PDE11A: variants seen among roughly 807,000 people sequenced by gnomAD.
PDE11A encodes the protein phosphodiesterase 11A, also known as dual 3',5'-cyclic-AMP and -GMP phosphodiesterase 11A.
A neutral mutation model predicts 100.5 loss-of-function variants in PDE11A; 100 were observed. That is an observed-to-expected ratio of 1.00 (90% confidence interval 0.85 to 1.18). The LOEUF is 1.18. Ranked by LOEUF, PDE11A falls within the 50% of genes most tolerant of loss-of-function variation. The pLI, the probability that PDE11A is intolerant of heterozygous loss-of-function variation, is 0.00. For missense variants in PDE11A, 1,141 were observed against 1,152.6 expected (o/e 0.99, Z 0.15); for synonymous variants, 381 against 420.8 (o/e 0.91, Z 1.16).
intron 5 of PDE11A, among the ~76,000 whole-genome samples, chr2:177,871,861 TA>T (rs200220853): frequency 0.011 from 1,685 of 152,106 alleles, 31 homozygotes; most frequent in African/African-American, 0.038. Flanking sequence ...ACCCTGTCTC[TA>T]AAAAAAGAAA....
intron 6 of PDE11A, 102 bp from the exon 7 acceptor site, chr2:177,820,397 T>A (rs2083119751): frequency 1.3e-6 from 1 of 748,920 alleles, no homozygotes; most frequent in Non-Finnish European, 2.4e-6. Flanking sequence ...AATAACTTTT[T>A]AAAGCTATTT....
At chr2:178,070,745 T>C (rs1418988106) in intron 1 of PDE11A, among the ~76,000 whole-genome samples, 3 of 152,240 alleles carry the variant, frequency 2.0e-5, no homozygotes. Flanking sequence ...ATGTTTACCC[T>C]GCTGATGGCT....
At chr2:177,795,500 C>T (rs2082693898) in intron 9 of PDE11A, among the ~76,000 whole-genome samples, 1 of 151,914 alleles carries the variant, frequency 6.6e-6, no homozygotes, top group South Asian at 2.1e-4. Flanking sequence ...TGTGATGTCA[C>T]ACACACACAT....
intron 4 of PDE11A, among the ~76,000 whole-genome samples, chr2:177,887,232 T>C (rs1030405264): frequency 1.3e-5 from 2 of 152,024 alleles, no homozygotes; most frequent in Non-Finnish European, 2.9e-5. Context: ...TCAGCTGCAA[T>C]CCCAAATTCA....
At chr2:177,910,291 C>G (rs1156956367) in intron 2 of PDE11A, among the ~76,000 whole-genome samples, 1 of 151,984 alleles carries the variant, frequency 6.6e-6, no homozygotes, top group African/African-American at 2.4e-5. Context: ...GAGAAGCAGG[C>G]AAATACATTT....
chr2:177,935,828 T>C (rs2085265174), intron 2 of PDE11A, among the ~76,000 whole-genome samples: 1 of 152,138 alleles, frequency 6.6e-6, no homozygotes, highest in South Asian at 2.1e-4. Context: ...AAGGGAGTAA[T>C]AGGGATCTTA....
At chr2:177,701,024 T>C in intron 14 of PDE11A, 97 bp downstream of exon 14, 1 of 779,174 alleles carries the variant, frequency 1.3e-6, no homozygotes, top group South Asian at 1.4e-5. Context: ...TTCCCACTGC[T>C]TTGTGTCTAC....
At chr2:177,924,377 G>A (rs2085096831) in intron 2 of PDE11A, among the ~76,000 whole-genome samples, 1 of 152,144 alleles carries the variant, frequency 6.6e-6, no homozygotes, top group Non-Finnish European at 1.5e-5. Flanking sequence ...ATGCCTGTTT[G>A]TATTGGTCTT....
At position 177,626,143 on chromosome 2, in the gene PDE11A, A is replaced by G. The variant is rs939989208; in HGVS notation, c.*3264T>C. On this transcript the variant is annotated 3_prime_UTR_variant, in exon 20 of 20. Coordinates refer to ENST00000286063, the MANE Select transcript of PDE11A (RefSeq NM_016953.4). Reference sequence around the variant, plus strand: ...GCCAATAAAACGGCAAGAAAATGAGAGGAAAACTCAACCTTAGTGGAAGCT... The same window carrying G: ...GCCAATAAAACGGCAAGAAAATGAGGGGAAAACTCAACCTTAGTGGAAGCT... 3.3e-5 allele frequency: 5 copies of G among 152,676 alleles called. No homozygotes were observed. Among genetic ancestry groups the G allele is most frequent in the Admixed American group, 1.3e-4 (2 of 15,284 alleles). The allele number at this position is 152,676 out of a possible 1,614,324, so 9.5% of individuals were successfully genotyped here. A position where few individuals can be genotyped will look rare whatever the true frequency, so the allele number is the denominator to read the frequency against.
chr2:177,930,305 G>A (rs539309478), intron 2 of PDE11A, among the ~76,000 whole-genome samples: 2 of 152,142 alleles, frequency 1.3e-5, no homozygotes, highest in Non-Finnish European at 2.9e-5. Context: ...AAATGAAAAG[G>A]CCTGTAGCCA....
chr2:177,837,316 G>A (rs1341980704), intron 6 of PDE11A, among the ~76,000 whole-genome samples: 1 of 152,162 alleles, frequency 6.6e-6, no homozygotes, highest in Non-Finnish European at 1.5e-5. Flanking sequence ...AGTCAGCCCA[G>A]CAAACTGGTC....
chr2:178,007,375 A>G (rs763762319), intron 2 of PDE11A, among the ~76,000 whole-genome samples: 45 of 152,234 alleles, frequency 3.0e-4, no homozygotes, highest in Non-Finnish European at 5.6e-4. Context: ...TGGATGGATT[A>G]TGATAAAGAA....
At chr2:177,648,159 A>G (rs77644997) in intron 19 of PDE11A, among the ~76,000 whole-genome samples, 10,094 of 152,080 alleles carry the variant, frequency 0.066, 928 homozygotes, top group African/African-American at 0.21. Context: ...GAAAGGGAAT[A>G]TGTTACATAT....
intron 12 of PDE11A, among the ~76,000 whole-genome samples, chr2:177,725,692 T>C (rs1035787923): frequency 1.3e-5 from 2 of 152,160 alleles, no homozygotes; most frequent in African/African-American, 4.8e-5. Flanking sequence ...TTCTATTCTC[T>C]TCAATTTCTT....
chr2:177,845,431 T>C (rs1448831265), intron 5 of PDE11A, among the ~76,000 whole-genome samples: 1 of 123,828 alleles, frequency 8.1e-6, no homozygotes, highest in Non-Finnish European at 1.7e-5. Context: ...TCTCAGACGA[T>C]GGGCGGCCGG....
chr2:177,716,960 T>C (rs1278972880), intron 12 of PDE11A, among the ~76,000 whole-genome samples: 1 of 152,208 alleles, frequency 6.6e-6, no homozygotes, highest in African/African-American at 2.4e-5. Flanking sequence ...CCCTGTCCCC[T>C]GCTCTGCCCA....
intron 1 of PDE11A, 86 bp downstream of exon 1, chr2:178,071,440 T>C: frequency 1.3e-6 from 2 of 1,563,110 alleles, no homozygotes; most frequent in South Asian, 1.1e-5. Context: ...CCTAAATTAA[T>C]GTGTTCCTGG....
chr2:177,626,040 C>T lies in PDE11A; in HGVS notation c.*3367G>A, dbSNP rs2079827734. 1.3e-5 allele frequency: 2 copies of T among 152,544 alleles called. No homozygotes were observed. Among genetic ancestry groups the T allele is most frequent in the African/African-American group, 4.8e-5 (2 of 41,414 alleles). The allele number at this position is 152,544 out of a possible 1,614,324, so 9.4% of individuals were successfully genotyped here. ...ATTGATGGTTGACATTGTCAGGGCT[C>T]CACTGTATGGCAGATTGCAATGGTG... is the stretch of plus-strand genomic sequence containing the variant. On this transcript the variant is annotated 3_prime_UTR_variant, in exon 20 of 20. Coordinates refer to ENST00000286063, the MANE Select transcript of PDE11A (RefSeq NM_016953.4).
intron 6 of PDE11A, among the ~76,000 whole-genome samples, chr2:177,827,186 G>A (rs1413106352): frequency 1.3e-5 from 2 of 152,164 alleles, no homozygotes; most frequent in Non-Finnish European, 2.9e-5. Context: ...AAGTAATATT[G>A]AGTTGTCTAT....
Sources: allele counts gnomAD v4.1 joint callset (sites outside exome capture counted in the v4.1 genomes callset), GRCh38; gene constraint gnomAD v4.1.1; transcripts MANE v1.5; gene names NCBI Gene and HGNC (gene_info 2026-07-23, HGNC 2026-07-21).